The following SRRM1 variants were observed in gnomAD, a reference collection of about 807,000 sequenced individuals.
SRRM1 encodes the protein serine/arginine repetitive matrix protein 1.
SRRM1 carries 19 observed loss-of-function variants against 110.2 expected under a neutral mutation model. The observed-to-expected ratio is 0.17, with a 90% CI of 0.12 to 0.25. The LOEUF is 0.25. Among genes scored for constraint, SRRM1 ranks in the 10% least tolerant of loss-of-function variants. The pLI is 1.00. For synonymous variants in SRRM1, 443 were observed against 414.9 expected (o/e 1.07, Z -0.82); for missense variants, 918 against 1,145.8 (o/e 0.80, Z 2.87).
chr1:24,669,758 T>A (rs933629212), intron 14 of SRRM1, 171 bp downstream of exon 14: 1 of 643,426 alleles, frequency 1.6e-6, no homozygotes, highest in African/African-American at 1.8e-5. Flanking sequence ...TTCTGTGGTA[T>A]AAGTTAAATG....
At chr1:24,649,092 T>C in intron 4 of SRRM1, 63 bp downstream of exon 4, 1 of 1,443,844 alleles carries the variant, frequency 6.9e-7, no homozygotes, top group Admixed American at 1.9e-5. Flanking sequence ...CCGAGACACC[T>C]TAGGTAGTAT....
intron 9 of SRRM1, 56 bp downstream of exon 9, chr1:24,655,185 G>C (rs1663310765): frequency 6.4e-7 from 1 of 1,569,166 alleles, no homozygotes; most frequent in South Asian, 1.1e-5. Context: ...ACAAAGCGTA[G>C]TCAGTTATTG....
chr1:24,652,401 CAAAAAAA>C, intron 6 of SRRM1, 26 bp from the exon 7 acceptor site: 4 of 1,081,762 alleles, frequency 3.7e-6, no homozygotes, highest in Admixed American at 3.5e-5. Context: ...TACAAGAAGG[CAAAAAAA>C]AAAAAAAAAG....
At chr1:24,665,448 T>C (rs1240637594) in intron 12 of SRRM1, among the ~76,000 whole-genome samples, 1 of 143,946 alleles carries the variant, frequency 6.9e-6, no homozygotes, top group Non-Finnish European at 1.5e-5. Flanking sequence ...AAAAAGAGGC[T>C]CACGCCTGTA....
chr1:24,666,626 A>G (rs1670118807), intron 12 of SRRM1, 189 bp from the exon 13 acceptor site: 7 of 502,438 alleles, frequency 1.4e-5, no homozygotes, highest in Admixed American at 7.6e-5. Flanking sequence ...TTAGCCAGGC[A>G]TGATTATGGG....
chr1:24,671,668 T>C (rs2148811272), intron 16 of SRRM1, 73 bp downstream of exon 16: 1 of 1,388,878 alleles, frequency 7.2e-7, no homozygotes, highest in African/African-American at 1.4e-5. Context: ...TTTTGAGAAG[T>C]AGCAAAATTG....
At chr1:24,650,735 A>G (rs532071631) in intron 5 of SRRM1, 1 of 152,210 alleles carries the variant, frequency 6.6e-6, no homozygotes, top group Non-Finnish European at 1.5e-5. Flanking sequence ...CCTTTCATTT[A>G]TATATTTGAT....
chr1:24,645,809 T>C (rs145146032), intron 1 of SRRM1, among the ~76,000 whole-genome samples, 175 bp from the exon 2 acceptor site: 2 of 152,236 alleles, frequency 1.3e-5, no homozygotes, highest in African/African-American at 4.8e-5. Context: ...AAAAATCCAG[T>C]CAAGTTTTCC....
intron 1 of SRRM1, 133 bp from the exon 2 acceptor site, chr1:24,645,851 A>G (rs1473635155): frequency 4.8e-6 from 3 of 631,290 alleles, no homozygotes; most frequent in Non-Finnish European, 8.3e-6. Flanking sequence ...AGGAGTATGC[A>G]TTTCTCATCT....
chr1:24,646,596 A>G, intron 2 of SRRM1, 71 bp from the exon 3 acceptor site: 1 of 1,364,326 alleles, frequency 7.3e-7, no homozygotes, highest in South Asian at 1.4e-5. Context: ...ACTTTGGTAG[A>G]CAGAACTCTA....
intron 14 of SRRM1, 160 bp from the exon 15 acceptor site, chr1:24,669,960 A>G (rs951411349): frequency 4.3e-6 from 3 of 695,922 alleles, no homozygotes; most frequent in Non-Finnish European, 7.3e-6. Context: ...CCTCTGGGAA[A>G]CATAGGTAAT....
At chr1:24,651,981 G>C (rs549336183) in intron 6 of SRRM1, among the ~76,000 whole-genome samples, 105 of 144,090 alleles carry the variant, frequency 7.3e-4, no homozygotes, top group African/African-American at 2.5e-3. Flanking sequence ...GAGCTCACAA[G>C]TTAGAGAGCA....
Position 24,672,924 on chromosome 1 carries a change from A to G in SRRM1, c.*638A>G, listed in dbSNP as rs1673334368. On this transcript the variant is annotated 3_prime_UTR_variant, in exon 17 of 17. Transcript: ENST00000323848. ...GTTTATATTGATGTGTAACAAGTTG[A>G]TTTGGAACACTGGACTCTCATTCTG... The G allele has an allele frequency of 6.6e-6, 1 of 152,390 alleles. No individual in the cohort carries two copies. The highest frequency in any genetic ancestry group is 1.5e-5 in the Non-Finnish European group (1 of 68,022). 9.4% of individuals were successfully genotyped at this position (152,390 alleles called of 1,614,324 possible). A position where few individuals can be genotyped will look rare whatever the true frequency, so the allele number is the denominator to read the frequency against.
At chr1:24,649,705 T>C (rs1659515399) in intron 4 of SRRM1, among the ~76,000 whole-genome samples, 1 of 152,150 alleles carries the variant, frequency 6.6e-6, no homozygotes, top group Non-Finnish European at 1.5e-5. Context: ...TTATTTTTAT[T>C]TTTATTTTTT....
At position 24,646,090 on chromosome 1, in the gene SRRM1, G is replaced by A. The variant is rs759710682; in HGVS notation, c.111+17G>A. ...GAAAAAAAGGTATTCTTCTGGATGAGACTGTTGTGCATCTTTATAGCACAC... is the reference window on the plus strand; with the variant it reads ...GAAAAAAAGGTATTCTTCTGGATGAAACTGTTGTGCATCTTTATAGCACAC... On this transcript the variant is annotated intron_variant, in intron 2 of 16. Coordinates refer to ENST00000323848, the MANE Select transcript of SRRM1 (RefSeq NM_005839.4). 4 of 1,586,440 alleles carry A rather than the reference G, an allele frequency of 2.5e-6. No individual in the cohort carries two copies. Among genetic ancestry groups the A allele is most frequent in the Non-Finnish European group, 3.5e-6 (4 of 1,156,342 alleles).
Position 24,655,130 on chromosome 1 carries a change from G to T in SRRM1, c.1315+1G>T. The T allele has an allele frequency of 6.2e-7, 1 of 1,613,506 alleles. No individual in the cohort carries two copies. Among genetic ancestry groups the T allele is most frequent in the Non-Finnish European group, 8.5e-7 (1 of 1,179,652 alleles). ...TCTCCAGGGAGAACTTCAGGTAAAGGTAAAAATCAAACACATATGAAACAT... is the reference window on the plus strand; with the variant it reads ...TCTCCAGGGAGAACTTCAGGTAAAGTTAAAAATCAAACACATATGAAACAT... On this transcript the variant is annotated splice_donor_variant, in intron 9 of 16. Transcript: ENST00000323848. LOFTEE classifies it high-confidence loss of function.
intron 2 of SRRM1, 46 bp downstream of exon 2, chr1:24,646,119 C>T (rs1226088895): frequency 1.3e-5 from 19 of 1,432,298 alleles, no homozygotes; most frequent in Non-Finnish European, 1.9e-5. Context: ...AGCACACTTA[C>T]TTGACTCAAG....
chr1:24,662,421 T>TTA (rs1234856797), intron 11 of SRRM1, among the ~76,000 whole-genome samples: 3 of 152,336 alleles, frequency 2.0e-5, no homozygotes, highest in Non-Finnish European at 4.4e-5. Context: ...AGCTCAAACT[T>TTA]CTTAGAGTAT....
chr1:24,647,306 C>T (rs1341124305), intron 3 of SRRM1: 2 of 152,618 alleles, frequency 1.3e-5, no homozygotes, highest in Admixed American at 1.3e-4. Flanking sequence ...TTTTAAAATA[C>T]TATTATGAGA....
Sources: gnomAD v4.1 joint callset for allele counts (sites outside exome capture counted in the v4.1 genomes callset) on GRCh38, gnomAD v4.1.1 for gene constraint, MANE v1.5 for transcripts, NCBI Gene and HGNC (gene_info 2026-07-23, HGNC 2026-07-21) for gene names.